Variants in GALNTL6 observed in about 807,000 individuals in gnomAD.
GALNTL6 encodes the protein polypeptide N-acetylgalactosaminyltransferase like 6, also known as polypeptide N-acetylgalactosaminyltransferase-like 6.
In GALNTL6, 46 loss-of-function variants were observed where a neutral mutation model predicts 73.7. That is an observed-to-expected ratio of 0.62 (90% CI 0.49 to 0.80). GALNTL6 has a LOEUF of 0.80. Ranked by LOEUF, GALNTL6 falls within the 30% of genes least tolerant of loss-of-function variation. GALNTL6 has a pLI of 0.00. For missense variants in GALNTL6, 604 were observed against 755.0 expected, an observed-to-expected ratio of 0.80 and a Z score of 2.34; for synonymous variants, 259 against 263.7, an observed-to-expected ratio of 0.98 and a Z score of 0.17.
chr4:172,264,555 AATATATATATATATATAT>A (rs201920170), intron 3 of GALNTL6, among the ~76,000 whole-genome samples: 4,470 of 103,740 alleles, frequency 0.043, 328 homozygotes, highest in African/African-American at 0.13. Flanking sequence ...ATATATGCCA[AATATATATATATATATAT>A]ATATATATAT....
Position 172,528,961 on chromosome 4 carries a change from A to ATG in GALNTL6, c.553+180273_553+180274insGT, listed in dbSNP as rs1735068274. On this transcript the variant is annotated intron_variant, in intron 5 of 12. Coordinates refer to ENST00000506823, the MANE Select transcript of GALNTL6 (RefSeq NM_001034845.3). ...TTTGTTTTCCCAAAGGCATATATAT[A>ATG]TATGTGTGTGTATATTTATACATAT... Among the ~76,000 whole-genome samples, 4 of 35,500 alleles carry ATG rather than the reference A, an allele frequency of 1.1e-4. 2 individuals carry two copies. Among genetic ancestry groups the ATG allele is most frequent in the South Asian group, 5.7e-3 (2 of 350 alleles). 23.3% of individuals were successfully genotyped at this position (35,500 alleles called of 152,430 possible). A position where few individuals can be genotyped will look rare whatever the true frequency, so the allele number is the denominator to read the frequency against.
intron 2 of GALNTL6, among the ~76,000 whole-genome samples, chr4:171,860,268 A>T (rs1184797366): frequency 6.6e-6 from 1 of 152,198 alleles, no homozygotes; most frequent in Non-Finnish European, 1.5e-5. Flanking sequence ...CCCACACCAC[A>T]TGGCTAGTAA....
intron 5 of GALNTL6, among the ~76,000 whole-genome samples, chr4:172,684,987 A>G (rs1470714404): frequency 6.6e-6 from 1 of 152,160 alleles, no homozygotes; most frequent in Non-Finnish European, 1.5e-5. Context: ...CAAACTCATG[A>G]CACTTTTTAG....
At chr4:171,840,455 C>T (rs1283852475) in intron 2 of GALNTL6, among the ~76,000 whole-genome samples, 2 of 152,164 alleles carry the variant, frequency 1.3e-5, no homozygotes, top group Non-Finnish European at 2.9e-5. Context: ...TGACCCTTAG[C>T]ACTAAACATC....
At chr4:172,609,619 C>CTG (rs1288655348) in intron 5 of GALNTL6, among the ~76,000 whole-genome samples, 4 of 52,224 alleles carry the variant, frequency 7.7e-5, no homozygotes, top group South Asian at 8.1e-4. Context: ...CTCTCTCTCT[C>CTG]TCTCTCTGTG....
chr4:172,448,538 A>G (rs2111416188), intron 5 of GALNTL6, among the ~76,000 whole-genome samples: 1 of 152,348 alleles, frequency 6.6e-6, no homozygotes, highest in East Asian at 1.9e-4. Context: ...GCTTATTTAA[A>G]TTCTTAAAAT....
chr4:172,218,626 A>G (rs1736572179), intron 2 of GALNTL6, among the ~76,000 whole-genome samples: 1 of 152,098 alleles, frequency 6.6e-6, no homozygotes, highest in African/African-American at 2.4e-5. Flanking sequence ...TCAGTTTTCT[A>G]ATGGGTCCAA....
chr4:171,891,400 G>T (rs1378746083), intron 2 of GALNTL6, among the ~76,000 whole-genome samples: 3 of 152,132 alleles, frequency 2.0e-5, no homozygotes, highest in Non-Finnish European at 2.9e-5. Flanking sequence ...GAAGAATCTT[G>T]AGGAAAGAAT....
chr4:172,169,189 A>G (rs1734732784), intron 2 of GALNTL6, among the ~76,000 whole-genome samples: 1 of 152,028 alleles, frequency 6.6e-6, no homozygotes, highest in African/African-American at 2.4e-5. Flanking sequence ...TAAAGACCCA[A>G]GTAGCTGGGA....
At chr4:172,400,137 A>G (rs1008430360) in intron 5 of GALNTL6, among the ~76,000 whole-genome samples, 1 of 152,126 alleles carries the variant, frequency 6.6e-6, no homozygotes, top group African/African-American at 2.4e-5. Flanking sequence ...TCAGTCCTCA[A>G]TTATCACCTA....
intron 7 of GALNTL6, among the ~76,000 whole-genome samples, chr4:172,860,281 A>G (rs925739294): frequency 2.6e-5 from 4 of 152,218 alleles, no homozygotes; most frequent in African/African-American, 9.6e-5. Flanking sequence ...ATATTATACT[A>G]AGGAATATAG....
intron 2 of GALNTL6, among the ~76,000 whole-genome samples, chr4:171,925,668 G>GA (rs1737953291): frequency 6.6e-6 from 1 of 152,082 alleles, no homozygotes; most frequent in Admixed American, 6.6e-5. Context: ...TATGATGAGG[G>GA]AAAATCCCTT....
chr4:172,367,592 A>T (rs781643350), intron 5 of GALNTL6, among the ~76,000 whole-genome samples: 1 of 152,336 alleles, frequency 6.6e-6, no homozygotes, highest in East Asian at 1.9e-4. Context: ...TGTTGCTTCT[A>T]TCTGGCATTG....
In GALNTL6 at chr4:172,325,856, G is replaced by T. The variant is rs566789556; in HGVS notation, c.386+14104G>T. 3.5e-3 allele frequency among the ~76,000 whole-genome samples: 534 copies of T among 151,230 alleles called. 2 individuals are homozygous for T. Among genetic ancestry groups the T allele is most frequent in the African/African-American group, 0.012 (496 of 41,354 alleles). On this transcript the variant is annotated intron_variant, in intron 4 of 12. Coordinates refer to ENST00000506823, the MANE Select transcript of GALNTL6 (RefSeq NM_001034845.3). ...AAGCAGAAAAGGGGAACTATTTGGG[G>T]GAATAAAAAAAGAAAACTAAAAGAA...
intron 7 of GALNTL6, among the ~76,000 whole-genome samples, chr4:172,853,504 C>T (rs1000024714): frequency 6.6e-6 from 1 of 152,206 alleles, no homozygotes; most frequent in Non-Finnish European, 1.5e-5. Flanking sequence ...GTTCCACCTT[C>T]ACCTCTGCAT....
intron 5 of GALNTL6, among the ~76,000 whole-genome samples, chr4:172,433,352 A>G (rs940085087): frequency 6.6e-6 from 1 of 151,662 alleles, no homozygotes; most frequent in Non-Finnish European, 1.5e-5. Context: ...GTCATTTTCC[A>G]CCCTCAGCCC....
At chr4:172,092,875 CTTTT>C (rs201817743) in intron 2 of GALNTL6, among the ~76,000 whole-genome samples, 4 of 130,372 alleles carry the variant, frequency 3.1e-5, no homozygotes, top group African/African-American at 2.8e-5. Context: ...TTTTTCTTTT[CTTTT>C]TTTTTTTTTT....
intron 5 of GALNTL6, among the ~76,000 whole-genome samples, chr4:172,602,626 A>C (rs933734184): frequency 1.3e-5 from 2 of 152,194 alleles, no homozygotes; most frequent in African/African-American, 2.4e-5. Flanking sequence ...AAGAATTCTC[A>C]TACATTGACC....
intron 2 of GALNTL6, among the ~76,000 whole-genome samples, chr4:171,919,175 C>T (rs960231892): frequency 6.6e-6 from 1 of 152,080 alleles, no homozygotes; most frequent in Non-Finnish European, 1.5e-5. Flanking sequence ...AAAAGTCAGT[C>T]TTCTTCATCT....
Sources: allele counts gnomAD v4.1 joint callset (sites outside exome capture counted in the v4.1 genomes callset), GRCh38; gene constraint gnomAD v4.1.1; transcripts MANE v1.5; gene names NCBI Gene and HGNC (gene_info 2026-07-23, HGNC 2026-07-21).